Variants in PATJ observed in about 807,000 individuals in gnomAD.
PATJ encodes PATJ crumbs cell polarity complex component.
A neutral mutation model predicts 224.9 loss-of-function variants in PATJ; 190 were observed. That is an observed-to-expected ratio of 0.84 (90% CI 0.75 to 0.95). The LOEUF is 0.95. Ranked by LOEUF, PATJ falls within the 40% of genes least tolerant of loss-of-function variation. The pLI, the probability that PATJ is intolerant of heterozygous loss-of-function variation, is 0.00. For synonymous variants in PATJ, 769 were observed against 820.3 expected, an observed-to-expected ratio of 0.94 and a Z score of 1.07; for missense variants, 2,121 against 2,270.3, an observed-to-expected ratio of 0.93 and a Z score of 1.34.
At chr1:62,059,548 C>T (rs933056360) in intron 31 of PATJ, among the ~76,000 whole-genome samples, 4 of 151,160 alleles carry the variant, frequency 2.6e-5, no homozygotes, top group East Asian at 3.9e-4. Flanking sequence ...ACCCGGGAGA[C>T]GGAGGTTGCA....
intron 22 of PATJ, among the ~76,000 whole-genome samples, chr1:61,895,720 A>G (rs11207860): frequency 0.62 from 94,458 of 152,102 alleles, 30,185 homozygotes; most frequent in Middle Eastern, 0.7. Context: ...AAAATGCAGG[A>G]TTGAAGCCCC....
chr1:61,893,083 G>T (rs1275902163), intron 22 of PATJ, among the ~76,000 whole-genome samples: 1 of 152,002 alleles, frequency 6.6e-6, no homozygotes, highest in Non-Finnish European at 1.5e-5. Flanking sequence ...TGGGTTAAAA[G>T]GTACATATGT....
intron 27 of PATJ, among the ~76,000 whole-genome samples, chr1:61,940,978 C>T (rs12135923): frequency 0.39 from 58,745 of 151,894 alleles, 12,903 homozygotes; most frequent in East Asian, 0.79. Context: ...TGGAGTACTT[C>T]ACTTTTCTCT....
chr1:62,074,931 T>A (rs1377733009), intron 31 of PATJ, among the ~76,000 whole-genome samples: 1 of 152,134 alleles, frequency 6.6e-6, no homozygotes, highest in Admixed American at 6.5e-5. Context: ...AGCACTGCAC[T>A]CCAGCCTGGA....
intron 41 of PATJ, among the ~76,000 whole-genome samples, chr1:62,147,628 G>A (rs2476200): frequency 0.65 from 98,164 of 151,730 alleles, 31,997 homozygotes; most frequent in East Asian, 0.75. Context: ...GTGAAACCCC[G>A]CCTCTACTGA....
intron 29 of PATJ, among the ~76,000 whole-genome samples, chr1:62,024,109 G>A (rs975435337): frequency 6.6e-6 from 1 of 152,052 alleles, no homozygotes; most frequent in Non-Finnish European, 1.5e-5. Flanking sequence ...CTAATATTTT[G>A]TTGATGATTT....
chr1:62,064,855 T>A (rs981914898), intron 31 of PATJ, among the ~76,000 whole-genome samples: 1 of 152,244 alleles, frequency 6.6e-6, no homozygotes, highest in Non-Finnish European at 1.5e-5. Flanking sequence ...TGGGAGCAAA[T>A]GTCACTGTGC....
chr1:61,908,146 T>C (rs1368943065), intron 24 of PATJ, among the ~76,000 whole-genome samples: 1 of 152,230 alleles, frequency 6.6e-6, no homozygotes, highest in East Asian at 1.9e-4. Context: ...ATGTTTTTAT[T>C]AATGTATTTT....
intron 27 of PATJ, among the ~76,000 whole-genome samples, chr1:61,982,501 A>G (rs1209269222): frequency 6.6e-6 from 1 of 152,006 alleles, no homozygotes; most frequent in African/African-American, 2.4e-5. Context: ...AAATGGAGGC[A>G]TTTACGAAGG....
At chr1:61,969,602 A>G (rs921450458) in intron 27 of PATJ, among the ~76,000 whole-genome samples, 5 of 152,182 alleles carry the variant, frequency 3.3e-5, no homozygotes, top group African/African-American at 1.2e-4. Flanking sequence ...AGTTCTTTAT[A>G]TATTCTAGAT....
intron 33 of PATJ, among the ~76,000 whole-genome samples, chr1:62,098,677 T>C (rs886759764): frequency 3.9e-5 from 6 of 152,174 alleles, no homozygotes; most frequent in African/African-American, 1.4e-4. Context: ...ATCCAGTTGG[T>C]TACCTGCAGA....
intron 29 of PATJ, among the ~76,000 whole-genome samples, chr1:62,033,086 G>A (rs761061487): frequency 1.3e-5 from 2 of 152,116 alleles, no homozygotes; most frequent in Non-Finnish European, 2.9e-5. Flanking sequence ...GAGATTTTGG[G>A]TGAGGACACA....
At chr1:61,984,370 G>A (rs916514388) in intron 27 of PATJ, among the ~76,000 whole-genome samples, 2 of 151,452 alleles carry the variant, frequency 1.3e-5, no homozygotes, top group African/African-American at 4.9e-5. Context: ...ATACTGGCCA[G>A]GCTGGTCTCG....
chr1:61,960,346 C>G (rs1681089275), intron 27 of PATJ, among the ~76,000 whole-genome samples: 1 of 152,144 alleles, frequency 6.6e-6, no homozygotes, highest in South Asian at 2.1e-4. Context: ...TCCTATTACA[C>G]AAATCTGAGT....
At position 61,914,607 on chromosome 1, in the gene PATJ, C is replaced by G. The variant is rs773537074; in HGVS notation, c.3513C>G (p.Asn1171Lys). ...STPRVIPNVHNKANKITGNQN... is the reference protein window; with the variant it reads ...STPRVIPNVHKKANKITGNQN... ...CATAGGTCATTCCTAACGTACATAA[C>G]AAGGCCAACAAAATCACCGGTAACC... Residue 1171 changes from asparagine to lysine, a missense_variant, in exon 26 of 44, where the codon AAC (asparagine) becomes AAG (lysine). Transcript: ENST00000642238. 1.5e-5 allele frequency: 24 copies of G among 1,569,974 alleles called. No individual in the cohort carries two copies. Among genetic ancestry groups the G allele is most frequent in the Non-Finnish European group, 9.6e-6 (11 of 1,141,878 alleles).
Position 62,015,021 on chromosome 1 carries a change from C to T in PATJ, c.3868-2835C>T, listed in dbSNP as rs12045162. On this transcript the variant is annotated intron_variant, in intron 28 of 43. Coordinates refer to ENST00000642238, the MANE Select transcript of PATJ (RefSeq NM_001350145.3). ...TGATATTAAGAATAGAAACGTATGC[C>T]GGGCGCAGTGGCTCACGCCTGTAAT... is the stretch of plus-strand genomic sequence containing the variant. 5.5e-4 allele frequency among the ~76,000 whole-genome samples: 83 copies of T among 152,174 alleles called. 1 individual carries two copies. In the East Asian group the frequency reaches 0.014, roughly 25 times the overall value.
chr1:61,937,150 T>G (rs1366220920), intron 27 of PATJ, among the ~76,000 whole-genome samples: 7 of 151,954 alleles, frequency 4.6e-5, no homozygotes, highest in Admixed American at 4.6e-4. Flanking sequence ...ACACACAACA[T>G]TTTATGTAAC....
intron 17 of PATJ, among the ~76,000 whole-genome samples, chr1:61,851,528 A>G (rs1662803138): frequency 6.6e-6 from 1 of 152,178 alleles, no homozygotes; most frequent in East Asian, 1.9e-4. Flanking sequence ...GTATGGGGAA[A>G]GTGAGAGACG....
intron 30 of PATJ, among the ~76,000 whole-genome samples, chr1:62,045,030 C>T (rs1178205879): frequency 3.3e-5 from 5 of 152,030 alleles, no homozygotes; most frequent in Non-Finnish European, 7.4e-5. Flanking sequence ...CCAGCCTGGC[C>T]AACATGGCGA....
Sources: gnomAD v4.1 joint callset for allele counts (sites outside exome capture counted in the v4.1 genomes callset) on GRCh38, gnomAD v4.1.1 for gene constraint, MANE v1.5 for transcripts, NCBI Gene and HGNC (gene_info 2026-07-23, HGNC 2026-07-21) for gene names.